Variants in SH3GL2 observed in about 807,000 individuals in gnomAD.
SH3GL2 encodes the protein endophilin-A1.
In SH3GL2, 24 loss-of-function variants were observed where a neutral mutation model predicts 46.0. The observed-to-expected ratio is 0.52, with a 90% CI of 0.38 to 0.73. SH3GL2 has a LOEUF of 0.73. SH3GL2 is among the 30% of genes least tolerant of loss of function. The pLI, the probability that SH3GL2 is intolerant of heterozygous loss-of-function variation, is 0.00. For missense variants in SH3GL2, 413 were observed against 424.2 expected, an observed-to-expected ratio of 0.97 and a Z score of 0.23; for synonymous variants, 196 against 147.1, an observed-to-expected ratio of 1.33 and a Z score of -2.40.
chr9:17,594,331 C>A (rs1818534110), intron 1 of SH3GL2, among the ~76,000 whole-genome samples: 1 of 152,280 alleles, frequency 6.6e-6, no homozygotes, highest in South Asian at 2.1e-4. Flanking sequence ...GTGGAAATTC[C>A]CTTCTTTCCA....
intron 1 of SH3GL2, among the ~76,000 whole-genome samples, chr9:17,723,661 A>G (rs1209773040): frequency 6.6e-6 from 1 of 152,144 alleles, no homozygotes; most frequent in Non-Finnish European, 1.5e-5. Flanking sequence ...ACTCTGTCTC[A>G]GAATTTCCTT....
intron 1 of SH3GL2, among the ~76,000 whole-genome samples, chr9:17,707,036 T>G (rs905990954): frequency 6.6e-6 from 1 of 152,048 alleles, no homozygotes; most frequent in African/African-American, 2.4e-5. Context: ...TAACCAGTGG[T>G]CAGCCAATCC....
At chr9:17,587,760 C>G (rs1177034455) in intron 1 of SH3GL2, among the ~76,000 whole-genome samples, 1 of 152,108 alleles carries the variant, frequency 6.6e-6, no homozygotes, top group African/African-American at 2.4e-5. Context: ...CGCCTGTAGT[C>G]CCAGCTACTC....
rs112067266 is a variant in SH3GL2, at chr9:17,787,423, G to A, written c.375G>A (p.Ser125=). The change falls in exon 5 of 9, where the codon TCG becomes TCA. Residue 125 remains serine (S), a synonymous_variant. Transcript: ENST00000380607. ...TCGGGGAGGCCATGCGGGAACTGTC[G>A]GAGGTCAAAGACTCTTTGGACATAG... ...GEVGEAMREL[S]EVKDSLDIEV... 3.3e-5 allele frequency: 53 copies of A among 1,612,276 alleles called. 1 individual carries two copies. The Middle Eastern group carries it at 9.9e-4, about 30-fold the overall frequency.
chr9:17,715,042 A>G (rs10963222), intron 1 of SH3GL2, among the ~76,000 whole-genome samples: 7,427 of 151,832 alleles, frequency 0.049, 501 homozygotes, highest in African/African-American at 0.14. Context: ...TGCTTTAAAG[A>G]TGTTATCAAC....
intron 3 of SH3GL2, among the ~76,000 whole-genome samples, chr9:17,780,469 G>GT (rs201979727): frequency 0.24 from 35,800 of 146,526 alleles, 4,514 homozygotes; most frequent in African/African-American, 0.3. Flanking sequence ...GAATAGCACA[G>GT]TTTTTTTTTT....
chr9:17,752,381 A>G (rs946542283), intron 2 of SH3GL2, among the ~76,000 whole-genome samples: 1 of 152,212 alleles, frequency 6.6e-6, no homozygotes. Flanking sequence ...AAAGTTAAGA[A>G]TTTGAAAATA....
chr9:17,638,835 G>A (rs1002514964), intron 1 of SH3GL2, among the ~76,000 whole-genome samples: 1 of 152,222 alleles, frequency 6.6e-6, no homozygotes, highest in African/African-American at 2.4e-5. Context: ...CTTCAGACTG[G>A]GGGAGGGGGT....
chr9:17,682,895 A>G (rs1820810007), intron 1 of SH3GL2, among the ~76,000 whole-genome samples: 1 of 152,112 alleles, frequency 6.6e-6, no homozygotes. Flanking sequence ...TGAAACCAAA[A>G]CTGACAAGAA....
intron 2 of SH3GL2, among the ~76,000 whole-genome samples, chr9:17,750,989 G>T (rs910420858): frequency 7.9e-5 from 12 of 152,164 alleles, no homozygotes. Flanking sequence ...GAGAGAGGGC[G>T]TCTGAGCTAA....
At chr9:17,748,605 A>AGTTT (rs1822758168) in intron 2 of SH3GL2, among the ~76,000 whole-genome samples, 2 of 152,050 alleles carry the variant, frequency 1.3e-5, no homozygotes, top group Non-Finnish European at 1.5e-5. Context: ...TTGTCTTTTT[A>AGTTT]GTTTTTCTCT....
intron 1 of SH3GL2, among the ~76,000 whole-genome samples, chr9:17,717,396 C>CT (rs903248583): frequency 2.0e-5 from 3 of 151,432 alleles, no homozygotes; most frequent in East Asian, 1.9e-4. Context: ...TGAAATTAAT[C>CT]TTTTTTCCCA....
At position 17,674,414 on chromosome 9, in the gene SH3GL2, G is replaced by A. The variant is rs534715157; in HGVS notation, c.46-72652G>A. ...CCTTAGTAGCTGGGACTACAGGTGTGGCCCACCATGCCTGGCTAATTTTTG... is the reference window on the plus strand; with the variant it reads ...CCTTAGTAGCTGGGACTACAGGTGTAGCCCACCATGCCTGGCTAATTTTTG... On this transcript the variant is annotated intron_variant, in intron 1 of 8. Transcript: ENST00000380607. Among the ~76,000 whole-genome samples, 9 of 152,116 alleles carry A rather than the reference G, an allele frequency of 5.9e-5. No homozygotes were observed. The South Asian group carries it at 1.9e-3, about 32-fold the overall frequency.
chr9:17,717,565 T>C (rs911241033), intron 1 of SH3GL2, among the ~76,000 whole-genome samples: 6 of 152,110 alleles, frequency 3.9e-5, no homozygotes, highest in Admixed American at 3.9e-4. Flanking sequence ...GTGCCTCCTT[T>C]ACTGAGTCAG....
At chr9:17,741,124 C>G (rs1423076756) in intron 1 of SH3GL2, among the ~76,000 whole-genome samples, 8 of 152,060 alleles carry the variant, frequency 5.3e-5, no homozygotes, top group Non-Finnish European at 1.2e-4. Context: ...ATTCTGATTT[C>G]TACTCTTAAA....
chr9:17,716,481 A>G (rs1821762855), intron 1 of SH3GL2, among the ~76,000 whole-genome samples: 1 of 152,118 alleles, frequency 6.6e-6, no homozygotes, highest in South Asian at 2.1e-4. Context: ...TCTCTACTCA[A>G]TTCCAGGTCA....
chr9:17,691,651 A>C (rs769808262), intron 1 of SH3GL2, among the ~76,000 whole-genome samples: 8 of 152,168 alleles, frequency 5.3e-5, no homozygotes, highest in Non-Finnish European at 1.2e-4. Flanking sequence ...GCTTTCTTCT[A>C]GCTCTCAAAA....
At chr9:17,604,246 C>T (rs908101884) in intron 1 of SH3GL2, among the ~76,000 whole-genome samples, 3 of 152,216 alleles carry the variant, frequency 2.0e-5, no homozygotes, top group African/African-American at 7.2e-5. Flanking sequence ...GGACACTGGA[C>T]TCTGCTGCCT....
chr9:17,758,624 G>A (rs1823078076), intron 2 of SH3GL2, among the ~76,000 whole-genome samples: 1 of 143,226 alleles, frequency 7.0e-6, no homozygotes, highest in South Asian at 2.3e-4. Flanking sequence ...GCCTAGGAAT[G>A]GATTTGCCAA....
Sources: gnomAD v4.1 joint callset for allele counts (sites outside exome capture counted in the v4.1 genomes callset) on GRCh38, gnomAD v4.1.1 for gene constraint, MANE v1.5 for transcripts, NCBI Gene and HGNC (gene_info 2026-07-23, HGNC 2026-07-21) for gene names.